KATNB1: variants seen among roughly 807,000 people sequenced by gnomAD.
KATNB1 encodes katanin regulatory subunit B1, also known as katanin p80 WD40 repeat-containing subunit B1.
Under a neutral mutation model 82.3 loss-of-function variants are expected in KATNB1, and 38 were observed. That is an observed-to-expected ratio of 0.46 (90% CI 0.36 to 0.61). The LOEUF is 0.61. Ranked by LOEUF, KATNB1 falls within the 20% of genes least tolerant of loss-of-function variation. The pLI is 0.00. For synonymous variants in KATNB1, 361 were observed against 368.7 expected (o/e 0.98, Z 0.24); for missense variants, 749 against 915.7 (o/e 0.82, Z 2.35).
rs1555583939 is a variant in KATNB1 at position 57,752,902 on chromosome 16, G to A, written c.829G>A (p.Asp277Asn). ...CCTCGTCAACTGGGGCAAGGTGGCC[G>A]ACCTGGCCATCTGCAATGACCAGTT... ...VVLVNWGKVA[D>N]LAICNDQLIG... The change falls in exon 10 of 20, where the codon GAC becomes AAC. Residue 277 changes from aspartate (D) to asparagine (N), a missense_variant. By Grantham distance (23) the Asp-to-Asn change is conservative (BLOSUM62 1). This residue lies in a region of KATNB1 where 407 missense variants were observed against 434.7 expected (regional missense o/e 0.94). Transcript: ENST00000379661. 8 of 1,605,434 alleles carry A rather than the reference G, an allele frequency of 5.0e-6. No individual in the cohort carries two copies. Among genetic ancestry groups the A allele is most frequent in the Non-Finnish European group, 5.9e-6 (7 of 1,179,792 alleles).
At position 57,751,901 on chromosome 16, in the gene KATNB1, T is replaced by C. The variant is rs34438625; in HGVS notation, c.517-39T>C. On this transcript the variant is annotated intron_variant, in intron 7 of 19. Coordinates refer to ENST00000379661, the MANE Select transcript of KATNB1 (RefSeq NM_005886.3). This position sits in a 1 kb window ranked among gnomAD's most constrained non-coding sequence, Gnocchi z 6.3. ...TTAGAGGGAGGGTGGGCAGCCAAGA[T>C]GCCTGGTCACCCTGACCTCCTCCCT... 0.085 allele frequency: 130,655 copies of C among 1,536,132 alleles called. 6,200 individuals carry two copies. The highest frequency in any genetic ancestry group is 0.16 in the African/African-American group (11,979 of 73,232).
rs370204333 is a variant in KATNB1, at chr16:57,756,844, G to A, written c.1866G>A (p.Gln622=). ...ATAAGTGCCGGCTCTGCTACAAGCA[G>A]CTTAAGAGCATCAGCGGCCTGGTCA... The part of the protein sequence containing the change: ...RLHKCRLCYK[Q]LKSISGLVKS... The change falls in exon 20 of 20, where the codon CAG becomes CAA. Residue 622 remains glutamine (Q), a synonymous_variant. Transcript: ENST00000379661. The A allele has an allele frequency of 6.3e-6, 10 of 1,580,206 alleles. No homozygotes were observed. Among genetic ancestry groups the A allele is most frequent in the Non-Finnish European group, 8.6e-6 (10 of 1,162,492 alleles).
intron 2 of KATNB1, among the ~76,000 whole-genome samples, chr16:57,737,602 T>C (rs1356695587): frequency 5.3e-5 from 8 of 152,212 alleles, no homozygotes; most frequent in African/African-American, 1.7e-4. Context: ...CCAGTTAGGC[T>C]GACAGTGGGG....
Position 57,747,995 on chromosome 16 carries a change from C to T in KATNB1, c.290-2832C>T, listed in dbSNP as rs117232449. Among the ~76,000 whole-genome samples the T allele has an allele frequency of 7.8e-3, 1,194 of 152,242 alleles. 28 individuals carry two copies. The highest frequency in any genetic ancestry group is 0.035 in the South Asian group (168 of 4,824). The stretch of plus-strand genomic sequence containing the variant: ...GCCCAGACTCCATCCTCAGAGAACC[C>T]GATTCAGTACTGGGGTGGGCCCAGG... On this transcript the variant is annotated intron_variant, in intron 4 of 19. Transcript: ENST00000379661.
intron 3 of KATNB1, among the ~76,000 whole-genome samples, chr16:57,743,883 C>T (rs1314360935): frequency 6.6e-6 from 1 of 152,254 alleles, no homozygotes; most frequent in African/African-American, 2.4e-5. Flanking sequence ...ACCGCCACAG[C>T]CCTCTCCTTT....
chr16:57,746,885 T>C (rs964434971), intron 4 of KATNB1, among the ~76,000 whole-genome samples: 7 of 152,122 alleles, frequency 4.6e-5, no homozygotes, highest in African/African-American at 1.7e-4. Context: ...GATGCTTTTC[T>C]TTTCTTTTCT....
chr16:57,738,149 C>T (rs531354667), intron 2 of KATNB1, among the ~76,000 whole-genome samples: 1 of 152,328 alleles, frequency 6.6e-6, no homozygotes, highest in African/African-American at 2.4e-5. Context: ...CTTGGTGGGC[C>T]CTGCCCCACC....
intron 2 of KATNB1, among the ~76,000 whole-genome samples, chr16:57,739,433 T>C (rs534483719): frequency 2.6e-5 from 4 of 152,340 alleles, no homozygotes; most frequent in Admixed American, 1.3e-4. Context: ...CCGCACCATG[T>C]TCCCCAGCTT....
chr16:57,741,615 G>C, intron 2 of KATNB1, 72 bp from the exon 3 acceptor site: 1 of 1,525,382 alleles, frequency 6.6e-7, no homozygotes, highest in Non-Finnish European at 8.9e-7. Flanking sequence ...GGGTAGCCGA[G>C]CAGGGTCACC....
At chr16:57,748,915 G>A (rs1043683146) in intron 4 of KATNB1, among the ~76,000 whole-genome samples, 1 of 152,236 alleles carries the variant, frequency 6.6e-6, no homozygotes, top group African/African-American at 2.4e-5. Flanking sequence ...GGCTGGGAGC[G>A]GGTGTGGACT....
Position 57,755,881 on chromosome 16 carries a change from T to C in KATNB1, c.1607T>C (p.Val536Ala). ...DSAVAINDLS[V>A]VVDLLNIVNQ... The stretch of plus-strand genomic sequence containing the variant: ...GCTGTGGCCATCAACGACCTGTCGG[T>C]GGTGGTGGACCTCCTGAACATCGTC... Residue 536 changes from valine to alanine, a missense_variant, in exon 17 of 20, where the codon GTG becomes GCG. Transcript: ENST00000379661. 3.8e-6 allele frequency: 6 copies of C among 1,596,696 alleles called. No homozygotes were observed. The highest frequency in any genetic ancestry group is 5.1e-6 in the Non-Finnish European group (6 of 1,166,602).
Position 57,753,822 on chromosome 16 carries a change from G to A in KATNB1, c.1178-123G>A, listed in dbSNP as rs1307460374. ...TGAGGGTTCCTGGGACCAGGAGCAG[G>A]GTCCACAGTCTGCAGCCGCATGCCT... On this transcript the variant is annotated intron_variant, in intron 12 of 19. Transcript: ENST00000379661. The A allele has an allele frequency of 3.3e-6, 3 of 902,672 alleles. 1 individual carries two copies. Among genetic ancestry groups the A allele is most frequent in the Non-Finnish European group, 5.1e-6 (3 of 589,520 alleles). The allele number at this position is 902,672 out of a possible 1,614,324, so 55.9% of individuals were successfully genotyped here.
At chr16:57,743,314 T>C (rs896903943) in intron 3 of KATNB1, among the ~76,000 whole-genome samples, 5 of 152,090 alleles carry the variant, frequency 3.3e-5, no homozygotes, top group Non-Finnish European at 7.4e-5. Context: ...AAAAAGAATA[T>C]GGCAAAGGAT....
At chr16:57,749,311 G>A (rs1401248373) in intron 4 of KATNB1, among the ~76,000 whole-genome samples, 2 of 152,238 alleles carry the variant, frequency 1.3e-5, no homozygotes, top group Non-Finnish European at 2.9e-5. Flanking sequence ...CCCAACATGA[G>A]GCCCAAAGAC....
At chr16:57,742,817 T>G (rs1186080948) in intron 3 of KATNB1, among the ~76,000 whole-genome samples, 2 of 152,218 alleles carry the variant, frequency 1.3e-5, no homozygotes, top group African/African-American at 2.4e-5. Flanking sequence ...CCGTGATCAC[T>G]GCATTCAATC....
At chr16:57,747,850 CA>C (rs1555581849) in intron 4 of KATNB1, among the ~76,000 whole-genome samples, 1 of 152,202 alleles carries the variant, frequency 6.6e-6, no homozygotes. Context: ...GTTTTGCTCA[CA>C]GGGGAAATGT....
chr16:57,754,947 G>A lies in KATNB1; in HGVS notation c.1246G>A (p.Glu416Lys), dbSNP rs146799975. ...GCCTCCAGACGCAGCCACAGCAAAGGAGGCAGCAAAGCCCAGCCCTGCCAT... is the reference window on the plus strand; with the variant it reads ...GCCTCCAGACGCAGCCACAGCAAAGAAGGCAGCAAAGCCCAGCCCTGCCAT... ...PPEDDAATAKEAAKPSPAMDV... is the reference protein window; with the variant it reads ...PPEDDAATAKKAAKPSPAMDV... Residue 416 changes from glutamate (E) to lysine (K), a missense_variant, in exon 14 of 20, where the codon GAG (glutamate) becomes AAG (lysine). Transcript: ENST00000379661. The A allele has an allele frequency of 1.9e-6, 3 of 1,613,972 alleles. No homozygotes were observed. Among genetic ancestry groups the A allele is most frequent in the Non-Finnish European group, 2.5e-6 (3 of 1,180,042 alleles).
intron 9 of KATNB1, 80 bp downstream of exon 9, chr16:57,752,681 G>A (rs746237100): frequency 4.2e-5 from 65 of 1,548,680 alleles, no homozygotes; most frequent in Admixed American, 5.8e-5. Context: ...TCCCATCTCC[G>A]CTGCTGCGCC....
chr16:57,747,367 A>G (rs2049191074), intron 4 of KATNB1, among the ~76,000 whole-genome samples: 2 of 152,152 alleles, frequency 1.3e-5, no homozygotes, highest in African/African-American at 4.8e-5. Flanking sequence ...TTCATGCTCT[A>G]TGTTGGCGGC....
Sources: allele counts gnomAD v4.1 joint callset (sites outside exome capture counted in the v4.1 genomes callset), GRCh38; gene constraint gnomAD v4.1.1; regional missense constraint gnomAD v4.1.1; non-coding constraint Gnocchi (gnomAD v3.1); transcripts MANE v1.5; gene names NCBI Gene and HGNC (gene_info 2026-07-23, HGNC 2026-07-21).